The following MTUS2 variants were observed in gnomAD, a reference collection of about 807,000 sequenced individuals.
MTUS2 encodes microtubule associated scaffold protein 2.
MTUS2 carries 40 observed loss-of-function variants against 114.1 expected under a neutral mutation model. That is an observed-to-expected ratio of 0.35 (90% CI 0.27 to 0.46). MTUS2 has a LOEUF of 0.46. MTUS2 is among the 20% of genes least tolerant of loss of function. The pLI, the probability that MTUS2 is intolerant of heterozygous loss-of-function variation, is 1.00. For missense variants in MTUS2, 1,679 were observed against 1,705.4 expected, an observed-to-expected ratio of 0.98 and a Z score of 0.27; for synonymous variants, 688 against 672.0, an observed-to-expected ratio of 1.02 and a Z score of -0.37.
intron 5 of MTUS2, among the ~76,000 whole-genome samples, chr13:29,106,420 C>A (rs1214828411): frequency 6.6e-6 from 1 of 152,174 alleles, no homozygotes; most frequent in Admixed American, 6.5e-5. Context: ...AGTGCAGTGG[C>A]ATGATCTCGT....
chr13:29,187,271 T>C (rs1473680795), intron 5 of MTUS2, among the ~76,000 whole-genome samples: 1 of 149,632 alleles, frequency 6.7e-6, no homozygotes, highest in East Asian at 2.0e-4. Flanking sequence ...GTAAATGAAA[T>C]AGAGAGTAGA....
intron 10 of MTUS2, among the ~76,000 whole-genome samples, chr13:29,483,627 C>T (rs1881371340): frequency 6.6e-6 from 1 of 152,046 alleles, no homozygotes; most frequent in Admixed American, 6.6e-5. Flanking sequence ...CCTGCTGGCT[C>T]GAGTTAAGGA....
chr13:29,453,864 G>C (rs1049836492), intron 9 of MTUS2, among the ~76,000 whole-genome samples: 1 of 152,100 alleles, frequency 6.6e-6, no homozygotes, highest in East Asian at 1.9e-4. Context: ...AATGATTCTT[G>C]GCAGATTTTT....
At chr13:29,168,105 T>A (rs1229404706) in intron 5 of MTUS2, among the ~76,000 whole-genome samples, 1 of 152,236 alleles carries the variant, frequency 6.6e-6, no homozygotes, top group Non-Finnish European at 1.5e-5. Flanking sequence ...CAAAATAACT[T>A]ACTAAATCTC....
At chr13:28,878,292 TAC>T (rs928041578) in intron 2 of MTUS2, among the ~76,000 whole-genome samples, 13 of 151,232 alleles carry the variant, frequency 8.6e-5, no homozygotes, top group Admixed American at 3.3e-4. Context: ...TGTATGTGTG[TAC>T]ACACACACAC....
At chr13:29,115,553 G>T (rs957828077) in intron 5 of MTUS2, among the ~76,000 whole-genome samples, 1 of 152,108 alleles carries the variant, frequency 6.6e-6, no homozygotes, top group Non-Finnish European at 1.5e-5. Context: ...AGTTCATCTT[G>T]TCAAAAATCA....
At chr13:29,088,154 C>G (rs1889781606) in intron 4 of MTUS2, among the ~76,000 whole-genome samples, 1 of 151,834 alleles carries the variant, frequency 6.6e-6, no homozygotes, top group Non-Finnish European at 1.5e-5. Flanking sequence ...TAGCTGTGTC[C>G]CAGAGATTCT....
intron 2 of MTUS2, among the ~76,000 whole-genome samples, chr13:29,019,796 T>C (rs1030628680): frequency 3.9e-5 from 6 of 152,264 alleles, no homozygotes; most frequent in African/African-American, 1.4e-4. Flanking sequence ...TGCATAGCTC[T>C]GGTCACCTTG....
intron 4 of MTUS2, among the ~76,000 whole-genome samples, chr13:29,040,762 A>C (rs1412667465): frequency 2.6e-5 from 4 of 151,774 alleles, no homozygotes; most frequent in Admixed American, 2.0e-4. Flanking sequence ...TATATTTGAG[A>C]ATTGTCTATT....
intron 2 of MTUS2, among the ~76,000 whole-genome samples, chr13:28,991,266 A>G (rs745411410): frequency 7.9e-5 from 12 of 152,166 alleles, no homozygotes; most frequent in Non-Finnish European, 1.5e-4. Flanking sequence ...CACAGAGTCA[A>G]ATGTGTGTAG....
chr13:29,021,774 T>A (rs959219403), intron 2 of MTUS2, among the ~76,000 whole-genome samples: 2 of 152,250 alleles, frequency 1.3e-5, no homozygotes, highest in Non-Finnish European at 2.9e-5. Context: ...AGAACATGTG[T>A]ATCTTCAAGG....
At chr13:28,995,409 T>G (rs1162174220) in intron 2 of MTUS2, among the ~76,000 whole-genome samples, 2 of 152,216 alleles carry the variant, frequency 1.3e-5, no homozygotes, top group Non-Finnish European at 2.9e-5. Flanking sequence ...ATATGAACTT[T>G]AAAGTAGCTT....
At chr13:28,974,968 T>C (rs1884022504) in intron 2 of MTUS2, among the ~76,000 whole-genome samples, 1 of 152,224 alleles carries the variant, frequency 6.6e-6, no homozygotes, top group Non-Finnish European at 1.5e-5. Context: ...TGAGGGTTGG[T>C]CCATCTGGAG....
At chr13:28,847,224 T>C (rs948633696) in intron 2 of MTUS2, among the ~76,000 whole-genome samples, 7 of 152,200 alleles carry the variant, frequency 4.6e-5, no homozygotes, top group Non-Finnish European at 4.4e-5. Flanking sequence ...ATGAACAATA[T>C]AGAGTTTCTG....
intron 4 of MTUS2, among the ~76,000 whole-genome samples, chr13:29,034,877 G>A (rs913347739): frequency 6.6e-6 from 1 of 152,186 alleles, no homozygotes; most frequent in Non-Finnish European, 1.5e-5. Flanking sequence ...TAAATTTGAT[G>A]TGAACTTGAA....
At chr13:29,307,601 G>T in intron 6 of MTUS2, 1 of 1,177,516 alleles carries the variant, frequency 8.5e-7, no homozygotes, top group Non-Finnish European at 1.3e-6. Context: ...GGCATCCTGG[G>T]CTACACTGAG....
rs1392992986 is a variant in MTUS2 at position 29,389,972 on chromosome 13, TACACATAC to T, written c.3117+30501_3117+30508del. 4.9e-4 allele frequency among the ~76,000 whole-genome samples: 52 copies of T among 106,396 alleles called. 3 individuals carry two copies. Among genetic ancestry groups the T allele is most frequent in the African/African-American group, 1.5e-3 (41 of 27,272 alleles). The allele number at this position is 106,396 out of a possible 152,430, so 69.8% of individuals were successfully genotyped here. ...GTGTATGTGTATATATCTGTGTATA[TACACATAC>T]ATGTATGTGTATGTATGTATGTGTA... On this transcript the variant is annotated intron_variant, in intron 8 of 15. Coordinates refer to ENST00000612955, the MANE Select transcript of MTUS2 (RefSeq NM_001033602.4).
intron 5 of MTUS2, among the ~76,000 whole-genome samples, chr13:29,169,221 A>G (rs1566044149): frequency 6.6e-6 from 1 of 152,190 alleles, no homozygotes; most frequent in Admixed American, 6.5e-5. Context: ...GAGATTTAGT[A>G]ATAAAGCAAA....
Position 29,036,269 on chromosome 13 carries a change from G to A in MTUS2, c.2446+2144G>A, listed in dbSNP as rs920685901. On this transcript the variant is annotated intron_variant, in intron 4 of 15. Transcript: ENST00000612955. Reference sequence around the variant, plus strand: ...CTCCATTACAAAAAGTCCTCTGACGGAAGGGAGTGAGAGTCACCTAAGACT... The same window carrying A: ...CTCCATTACAAAAAGTCCTCTGACGAAAGGGAGTGAGAGTCACCTAAGACT... Among the ~76,000 whole-genome samples the A allele has an allele frequency of 5.9e-5, 9 of 152,164 alleles. No homozygotes were observed. The South Asian group carries it at 1.7e-3, about 28-fold the overall frequency.
Sources: gnomAD v4.1 joint callset for allele counts (sites outside exome capture counted in the v4.1 genomes callset) on GRCh38, gnomAD v4.1.1 for gene constraint, MANE v1.5 for transcripts, NCBI Gene and HGNC (gene_info 2026-07-23, HGNC 2026-07-21) for gene names.